Variants in MBD5 observed in about 807,000 individuals in gnomAD.
The protein encoded by MBD5 is methyl-CpG-binding domain protein 5.
In MBD5, 13 loss-of-function variants were observed where a neutral mutation model predicts 117.3. The ratio of observed to expected loss-of-function variants is 0.11; its 90% CI spans 0.07 to 0.18. The LOEUF is 0.18. MBD5 is among the 10% of genes least tolerant of loss of function. MBD5 has a pLI of 1.00. For synonymous variants in MBD5, 727 were observed against 766.4 expected, an observed-to-expected ratio of 0.95 and a Z score of 0.85; for missense variants, 1,879 against 2,093.8, an observed-to-expected ratio of 0.90 and a Z score of 2.00.
chr2:148,459,310 A>G (rs1308635409), intron 5 of MBD5, among the ~76,000 whole-genome samples: 1 of 152,152 alleles, frequency 6.6e-6, no homozygotes, highest in Non-Finnish European at 1.5e-5. Context: ...CTAAAAATAC[A>G]TTTCTTTTTT....
intron 5 of MBD5, among the ~76,000 whole-genome samples, chr2:148,459,204 C>G (rs1347190501): frequency 6.6e-6 from 1 of 152,138 alleles, no homozygotes; most frequent in African/African-American, 2.4e-5. Context: ...CAGAATTACT[C>G]TGTCCTTCAG....
intron 1 of MBD5, among the ~76,000 whole-genome samples, chr2:148,115,041 A>G (rs1053720188): frequency 4.6e-5 from 7 of 152,100 alleles, no homozygotes; most frequent in Non-Finnish European, 1.0e-4. Flanking sequence ...AATTATGTAT[A>G]TTTAATTTTT....
intron 1 of MBD5, among the ~76,000 whole-genome samples, chr2:148,030,949 G>T (rs184003924): frequency 3.3e-5 from 5 of 152,226 alleles, no homozygotes; most frequent in African/African-American, 1.2e-4. Flanking sequence ...ATATAATGTA[G>T]TTTTTAAATA....
chr2:148,052,759 C>T (rs1281342917), intron 1 of MBD5, among the ~76,000 whole-genome samples: 1 of 151,746 alleles, frequency 6.6e-6, no homozygotes, highest in Non-Finnish European at 1.5e-5. Flanking sequence ...TCTGATAAAC[C>T]CACTTTGTTT....
intron 1 of MBD5, among the ~76,000 whole-genome samples, chr2:148,041,652 G>A (rs977307583): frequency 4.6e-5 from 7 of 152,080 alleles, no homozygotes; most frequent in African/African-American, 1.4e-4. Flanking sequence ...ACACACTTAT[G>A]CATACTCATG....
chr2:148,436,883 G>A (rs1201408248), intron 4 of MBD5, among the ~76,000 whole-genome samples: 1 of 152,008 alleles, frequency 6.6e-6, no homozygotes, highest in Non-Finnish European at 1.5e-5. Flanking sequence ...AAAATAAAAT[G>A]AAACTATGCC....
At chr2:148,368,350 A>T (rs1324435672) in intron 4 of MBD5, among the ~76,000 whole-genome samples, 1 of 152,146 alleles carries the variant, frequency 6.6e-6, no homozygotes, top group African/African-American at 2.4e-5. Context: ...TGGAAGGGAT[A>T]GCATTAGGAG....
chr2:148,345,825 T>A (rs532897902), intron 4 of MBD5, among the ~76,000 whole-genome samples: 1 of 151,730 alleles, frequency 6.6e-6, no homozygotes, highest in Admixed American at 6.6e-5. Context: ...ACTGAAGAAC[T>A]TGGAGTCCAA....
chr2:148,498,799 T>C (rs1356693844), intron 11 of MBD5, among the ~76,000 whole-genome samples: 1 of 152,210 alleles, frequency 6.6e-6, no homozygotes, highest in Non-Finnish European at 1.5e-5. Flanking sequence ...ATCAAATGTG[T>C]AATATGGGCC....
At chr2:148,356,548 C>T (rs965008266) in intron 4 of MBD5, among the ~76,000 whole-genome samples, 6 of 152,232 alleles carry the variant, frequency 3.9e-5, no homozygotes, top group Admixed American at 2.0e-4. Context: ...TAAAACAATG[C>T]TATATAACCA....
intron 4 of MBD5, among the ~76,000 whole-genome samples, chr2:148,367,883 T>G (rs1035428428): frequency 6.6e-6 from 1 of 151,912 alleles, no homozygotes; most frequent in African/African-American, 2.4e-5. Context: ...TTGGTGGGAG[T>G]GTAAATTAAT....
At chr2:148,242,197 C>G (rs1179730919) in intron 3 of MBD5, among the ~76,000 whole-genome samples, 1 of 152,030 alleles carries the variant, frequency 6.6e-6, no homozygotes, top group African/African-American at 2.4e-5. Flanking sequence ...GAAGTTGACA[C>G]TTGTAAATAC....
At chr2:148,340,354 A>T (rs1702905320) in intron 3 of MBD5, among the ~76,000 whole-genome samples, 1 of 152,154 alleles carries the variant, frequency 6.6e-6, no homozygotes, top group Non-Finnish European at 1.5e-5. Flanking sequence ...TGTTAAATTT[A>T]GGCTAAATAT....
chr2:148,364,766 G>A (rs1173920078), intron 4 of MBD5, among the ~76,000 whole-genome samples: 1 of 152,192 alleles, frequency 6.6e-6, no homozygotes, highest in African/African-American at 2.4e-5. Flanking sequence ...TAATGGTAAA[G>A]GGATCAATGC....
At chr2:148,370,709 G>A (rs1460618457) in intron 4 of MBD5, among the ~76,000 whole-genome samples, 3 of 152,010 alleles carry the variant, frequency 2.0e-5, no homozygotes, top group Admixed American at 6.6e-5. Context: ...GGCTGGTCTC[G>A]AACTCCTGAG....
At chr2:148,394,216 A>G (rs888296409) in intron 4 of MBD5, among the ~76,000 whole-genome samples, 1 of 152,162 alleles carries the variant, frequency 6.6e-6, no homozygotes, top group Admixed American at 6.5e-5. Flanking sequence ...CCTCATAAAT[A>G]ATAACTTGAG....
chr2:148,111,855 A>G (rs1295707804), intron 1 of MBD5, among the ~76,000 whole-genome samples: 1 of 152,204 alleles, frequency 6.6e-6, no homozygotes, highest in African/African-American at 2.4e-5. Context: ...CTATATGTAC[A>G]TACCTATAAG....
chr2:148,465,972 T>A (rs1707248547), intron 7 of MBD5, among the ~76,000 whole-genome samples: 1 of 152,134 alleles, frequency 6.6e-6, no homozygotes, highest in Non-Finnish European at 1.5e-5. Flanking sequence ...TACCTATACA[T>A]ACAAGTTTAA....
chr2:148,275,608 A>G (rs921894292), intron 3 of MBD5, among the ~76,000 whole-genome samples: 1 of 152,188 alleles, frequency 6.6e-6, no homozygotes, highest in Non-Finnish European at 1.5e-5. Context: ...CATCTACTTT[A>G]TGAGAGTAAT....
Sources: allele counts gnomAD v4.1 joint callset (sites outside exome capture counted in the v4.1 genomes callset), GRCh38; gene constraint gnomAD v4.1.1; transcripts MANE v1.5; gene names NCBI Gene and HGNC (gene_info 2026-07-23, HGNC 2026-07-21).